Variants in NRXN3 observed in about 807,000 individuals in gnomAD.
NRXN3 encodes the protein neurexin III.
A neutral mutation model predicts 137.6 loss-of-function variants in NRXN3; 32 were observed. The observed-to-expected ratio is 0.23, with a 90% CI of 0.18 to 0.31. The LOEUF is 0.31. NRXN3 is among the 10% of genes least tolerant of loss of function. The probability of loss-of-function intolerance (pLI) is 1.00; values close to 1 mark genes in which losing one functional copy is unlikely to be tolerated. For missense variants in NRXN3, 1,574 were observed against 2,062.5 expected (o/e 0.76, Z 4.59); for synonymous variants, 798 against 784.5 (o/e 1.02, Z -0.29).
chr14:78,244,427 CAAAAAAGAAAAAAAA>C (rs777334003), intron 2 of NRXN3, among the ~76,000 whole-genome samples: 9 of 137,298 alleles, frequency 6.6e-5, no homozygotes, highest in Non-Finnish European at 1.4e-4. Flanking sequence ...GAGACTGTCT[CAAAAAAGAAAAAAAA>C]AAAAAAGAAA....
chr14:79,060,965 C>T (rs1014479955), intron 15 of NRXN3, among the ~76,000 whole-genome samples: 1 of 152,104 alleles, frequency 6.6e-6, no homozygotes, highest in African/African-American at 2.4e-5. Context: ...GTGTGGCATG[C>T]TCAGGCCTTG....
chr14:78,186,456 T>C (rs2060236450), intron 1 of NRXN3, among the ~76,000 whole-genome samples: 1 of 152,278 alleles, frequency 6.6e-6, no homozygotes, highest in Non-Finnish European at 1.5e-5. Context: ...TTGGCTTTGA[T>C]TGATAGTTGC....
intron 19 of NRXN3, among the ~76,000 whole-genome samples, chr14:79,699,422 C>A (rs1353890047): frequency 1.3e-5 from 2 of 151,994 alleles, no homozygotes; most frequent in Non-Finnish European, 2.9e-5. Context: ...AGCAGAGAAG[C>A]AAATGGCTTT....
At chr14:78,595,822 C>T (rs2097153509) in intron 4 of NRXN3, among the ~76,000 whole-genome samples, 1 of 152,070 alleles carries the variant, frequency 6.6e-6, no homozygotes, top group South Asian at 2.1e-4. Context: ...GGATGAATAA[C>T]TCATCAAACT....
At chr14:79,348,542 A>AT (rs964023461) in intron 15 of NRXN3, among the ~76,000 whole-genome samples, 2 of 151,792 alleles carry the variant, frequency 1.3e-5, no homozygotes, top group Admixed American at 6.6e-5. Context: ...CTCCTGGCTA[A>AT]TTTTTTTGTA....
chr14:78,790,299 A>C (rs1451520675), intron 8 of NRXN3, among the ~76,000 whole-genome samples: 1 of 152,332 alleles, frequency 6.6e-6, no homozygotes, highest in East Asian at 1.9e-4. Flanking sequence ...GATAAATATC[A>C]ATCCAAATTG....
At chr14:78,414,427 G>A (rs1319051135) in intron 4 of NRXN3, among the ~76,000 whole-genome samples, 3 of 152,166 alleles carry the variant, frequency 2.0e-5, no homozygotes, top group African/African-American at 7.2e-5. Flanking sequence ...CACCAGGGGA[G>A]TTGTCCCTTT....
chr14:78,613,281 TAAAAA>T (rs2097315562), intron 4 of NRXN3, among the ~76,000 whole-genome samples: 1 of 152,218 alleles, frequency 6.6e-6, no homozygotes, highest in Non-Finnish European at 1.5e-5. Flanking sequence ...ATTTTATTCT[TAAAAA>T]GTAAAAGTGA....
chr14:79,648,185 A>AAAAC lies in NRXN3; in HGVS notation c.3445-15569_3445-15566dup, dbSNP rs199921033. Among the ~76,000 whole-genome samples, 42 of 134,256 alleles carry AAAAC rather than the reference A, an allele frequency of 3.1e-4. 4 individuals are homozygous for AAAAC. Among genetic ancestry groups the AAAAC allele is most frequent in the African/African-American group, 5.4e-4 (22 of 40,490 alleles). The allele number at this position is 134,256 out of a possible 152,430, so 88.1% of individuals were successfully genotyped here. On this transcript the variant is annotated intron_variant, in intron 16 of 20. Coordinates refer to ENST00000335750, the MANE Select transcript of NRXN3 (RefSeq NM_001330195.2). ...CCCTTCCCTACTTACCCTACTATAC[A>AAAAC]AAACAAACAAACAAACAAACAAACA...
At chr14:78,559,020 A>G (rs959284675) in intron 4 of NRXN3, among the ~76,000 whole-genome samples, 10 of 152,166 alleles carry the variant, frequency 6.6e-5, no homozygotes, top group African/African-American at 2.4e-4. Flanking sequence ...AACAAAGTGT[A>G]TTTTCTCCTT....
intron 4 of NRXN3, among the ~76,000 whole-genome samples, chr14:78,406,414 T>G (rs2092486632): frequency 6.6e-6 from 1 of 152,160 alleles, no homozygotes; most frequent in Admixed American, 6.5e-5. Flanking sequence ...GGCCACTTTC[T>G]CTCATTAGCC....
At chr14:79,353,058 T>G (rs2093281680) in intron 15 of NRXN3, among the ~76,000 whole-genome samples, 1 of 152,152 alleles carries the variant, frequency 6.6e-6, no homozygotes, top group Non-Finnish European at 1.5e-5. Context: ...TTAACAATGT[T>G]GTTTTTTGGT....
chr14:79,620,738 A>T (rs542228393), intron 16 of NRXN3, among the ~76,000 whole-genome samples: 17 of 152,266 alleles, frequency 1.1e-4, no homozygotes, highest in African/African-American at 3.8e-4. Flanking sequence ...GCAAGCATAG[A>T]TACTTTGGAG....
At chr14:79,682,123 G>T (rs2098673591) in intron 17 of NRXN3, among the ~76,000 whole-genome samples, 2 of 152,080 alleles carry the variant, frequency 1.3e-5, no homozygotes, top group Non-Finnish European at 2.9e-5. Context: ...ATCTATCAGT[G>T]TTATTTGTAA....
At chr14:78,178,580 G>A (rs1039302721) in intron 1 of NRXN3, among the ~76,000 whole-genome samples, 1 of 152,118 alleles carries the variant, frequency 6.6e-6, no homozygotes, top group African/African-American at 2.4e-5. Flanking sequence ...AACCTGCATG[G>A]GACAGCCACA....
chr14:79,569,630 T>TGTGTGAGA (rs775452045), intron 16 of NRXN3, among the ~76,000 whole-genome samples: 8 of 135,676 alleles, frequency 5.9e-5, no homozygotes, highest in South Asian at 2.2e-4. Flanking sequence ...TGTGTGTGTG[T>TGTGTGAGA]GAGAGAGAGA....
chr14:79,796,992 T>C (rs2099162978), intron 19 of NRXN3, among the ~76,000 whole-genome samples: 1 of 152,190 alleles, frequency 6.6e-6, no homozygotes, highest in African/African-American at 2.4e-5. Context: ...GTCTATAAAG[T>C]CCATGAGGAC....
chr14:79,130,007 C>CT (rs1221460651), intron 15 of NRXN3, among the ~76,000 whole-genome samples: 2 of 151,600 alleles, frequency 1.3e-5, no homozygotes, highest in Non-Finnish European at 2.9e-5. Context: ...CAACCCCTGC[C>CT]TTTTTTTGTT....
chr14:79,616,842 T>C (rs1372884413), intron 16 of NRXN3, among the ~76,000 whole-genome samples: 3 of 152,162 alleles, frequency 2.0e-5, no homozygotes, highest in Non-Finnish European at 4.4e-5. Context: ...CCTTCTTTCA[T>C]AGATGAGGAA....
Sources: allele counts gnomAD v4.1 joint callset (sites outside exome capture counted in the v4.1 genomes callset), GRCh38; gene constraint gnomAD v4.1.1; transcripts MANE v1.5; gene names NCBI Gene and HGNC (gene_info 2026-07-23, HGNC 2026-07-21).